The following PYGM variants were observed in gnomAD, a reference collection of about 807,000 sequenced individuals.
PYGM encodes glycogen phosphorylase, muscle form.
Under a neutral mutation model 99.3 loss-of-function variants are expected in PYGM, and 81 were observed. That is an observed-to-expected ratio of 0.82 (90% CI 0.68 to 0.98). The LOEUF (loss-of-function observed/expected upper bound fraction) is 0.98, where lower values mean the gene tolerates loss of function less well. PYGM is among the 50% of genes least tolerant of loss of function. The pLI, the probability that PYGM is intolerant of heterozygous loss-of-function variation, is 0.00. For synonymous variants in PYGM, 436 were observed against 451.5 expected (o/e 0.97, Z 0.44); for missense variants, 1,030 against 1,158.1 (o/e 0.89, Z 1.61).
chr11:64,750,569 C>A lies in PYGM; in HGVS notation c.1984G>T (p.Asp662Tyr). Residue 662 changes from aspartate (D) to tyrosine (Y), a missense_variant, in exon 17 of 20, where the codon GAC becomes TAC. Coordinates refer to ENST00000164139, the MANE Select transcript of PYGM (RefSeq NM_005609.4). ...SLAEKVIPAA[D>Y]LSEQISTAGT... ...GCAGTGGAGATCTGCTCAGAGAGGTCTGCAGCTGGGATCACTGTGGGGTGG... is the reference window on the plus strand; with the variant it reads ...GCAGTGGAGATCTGCTCAGAGAGGTATGCAGCTGGGATCACTGTGGGGTGG... 2 of 1,614,024 alleles carry A rather than the reference C, an allele frequency of 1.2e-6. No individual in the cohort carries two copies. Among genetic ancestry groups the A allele is most frequent in the Non-Finnish European group, 1.7e-6 (2 of 1,180,000 alleles).
At position 64,747,307 on chromosome 11, in the gene PYGM, A is replaced by G. The variant is rs1592405688; in HGVS notation, c.2229T>C (p.Ile743=). The G allele has an allele frequency of 6.2e-7, 1 of 1,614,188 alleles. No homozygotes were observed. Among genetic ancestry groups the G allele is most frequent in the Middle Eastern group, 1.6e-4 (1 of 6,062 alleles). ...AGAAGAAGCCACTGCTCAGCTGCTC[A>G]ATGACCTGCCGAAGCTCAGGAATGC... ...YDRIPELRQV[I]EQLSSGFFSP... Residue 743 remains isoleucine, a synonymous_variant, in exon 18 of 20, where the codon ATT becomes ATC. Transcript: ENST00000164139.
chr11:64,751,515 C>T (rs777906875), intron 15 of PYGM, 49 bp from the exon 16 acceptor site: 37 of 1,614,180 alleles, frequency 2.3e-5, no homozygotes, highest in Non-Finnish European at 3.0e-5. Context: ...CCCCCCACCC[C>T]CTATCCTGCA....
Position 64,756,425 on chromosome 11 carries a change from G to A in PYGM, c.661-867C>T, listed in dbSNP as rs2058394652. ...GGCTGATGACCTGAAGCTTCAGCAG[G>A]AAGATTGCCTGAACTGGGATTTGTT... On this transcript the variant is annotated intron_variant, in intron 5 of 19. Coordinates refer to ENST00000164139, the MANE Select transcript of PYGM (RefSeq NM_005609.4). Among the ~76,000 whole-genome samples, 3 of 152,218 alleles carry A rather than the reference G, an allele frequency of 2.0e-5. No homozygotes were observed. In the South Asian group the frequency reaches 6.2e-4, roughly 32 times the overall value.
At chr11:64,750,184 A>G (rs145520098) in intron 17 of PYGM, among the ~76,000 whole-genome samples, 192 bp downstream of exon 17, 1 of 151,730 alleles carries the variant, frequency 6.6e-6, no homozygotes, top group Non-Finnish European at 1.5e-5. Context: ...GTTCTATATT[A>G]CTTCTTTCTT....
At chr11:64,749,793 A>ATTT (rs71049658) in intron 17 of PYGM, among the ~76,000 whole-genome samples, 7 of 136,338 alleles carry the variant, frequency 5.1e-5, no homozygotes, top group Non-Finnish European at 6.2e-5. Flanking sequence ...GGGAGCAAGG[A>ATTT]TTTTTTTTTT....
rs1016613332 is a variant in PYGM at position 64,758,520 on chromosome 11, A to C, written c.346-5T>G. 2 of 1,613,888 alleles carry C rather than the reference A, an allele frequency of 1.2e-6. No individual in the cohort carries two copies. The highest frequency in any genetic ancestry group is 2.7e-5 in the African/African-American group (2 of 74,872). ...CTCCTCCATGTCCAGGCCCAGCTGG[A>C]GGAGTGAGGGTGACAGTGGTCAGGG... On this transcript the variant is annotated splice_polypyrimidine_tract_variant and splice_region_variant and intron_variant, in intron 2 of 19. Transcript: ENST00000164139.
chr11:64,757,907 C>T lies in PYGM; in HGVS notation c.532G>A (p.Glu178Lys). ...NQKISGGWQM[E>K]EADDWLRYGN... ...TAGCGAAGCCAGTCATCGGCCTCCT[C>T]CATCTGCACCCAAGGCAGGTCAGGG... is the stretch of plus-strand genomic sequence containing the variant. Residue 178 changes from glutamate (E) to lysine (K), a missense_variant, in exon 5 of 20, where the codon GAG (glutamate) becomes AAG (lysine). Transcript: ENST00000164139. 6.2e-7 allele frequency: 1 copy of T among 1,613,968 alleles called. No individual in the cohort carries two copies. Among genetic ancestry groups the T allele is most frequent in the Non-Finnish European group, 8.5e-7 (1 of 1,180,014 alleles).
chr11:64,758,365 G>A lies in PYGM; in HGVS notation c.425-16C>T, dbSNP rs2058408321. 1 of 1,613,058 alleles carries A rather than the reference G, an allele frequency of 6.2e-7. No homozygotes were observed. Among genetic ancestry groups the A allele is most frequent in the African/African-American group, 1.3e-5 (1 of 74,870 alleles). On this transcript the variant is annotated splice_polypyrimidine_tract_variant and intron_variant, in intron 3 of 19. Coordinates refer to ENST00000164139, the MANE Select transcript of PYGM (RefSeq NM_005609.4). Reference sequence around the variant, plus strand: ...AGAAAGCAGGCTGGGGGTGTGCAGGGAGGTGGCTGTCAGGGACCCAGCAAG... The same window carrying A: ...AGAAAGCAGGCTGGGGGTGTGCAGGAAGGTGGCTGTCAGGGACCCAGCAAG...
At position 64,752,459 on chromosome 11, in the gene PYGM, G is replaced by C; in HGVS notation, c.1564C>G (p.Leu522Val). The change falls in exon 13 of 20, where the codon CTG becomes GTG. Residue 522 changes from leucine to valine, a missense_variant. Physicochemically the swap from Leu to Val is conservative, Grantham distance 32. Transcript: ENST00000164139. ...FISDLDQLRK[L>V]LSFVDDEAFI... ...GCTTCATCATCCACAAAGGAGAGCAGTTTGCGCAGCTGGTCCAGGTCAGAG... is the reference window on the plus strand; with the variant it reads ...GCTTCATCATCCACAAAGGAGAGCACTTTGCGCAGCTGGTCCAGGTCAGAG... 1.9e-6 allele frequency: 3 copies of C among 1,614,248 alleles called. No individual in the cohort carries two copies. Among genetic ancestry groups the C allele is most frequent in the African/African-American group, 2.7e-5 (2 of 75,080 alleles).
At chr11:64,753,259 C>G in intron 11 of PYGM, 72 bp from the exon 12 acceptor site, 1 of 1,423,844 alleles carries the variant, frequency 7.0e-7, no homozygotes, top group Non-Finnish European at 9.9e-7. Flanking sequence ...GGGGCCCCTA[C>G]CCTGGTGTCT....
intron 16 of PYGM, 189 bp downstream of exon 16, chr11:64,751,136 C>A: frequency 1.3e-6 from 1 of 789,938 alleles, no homozygotes; most frequent in Non-Finnish European, 2.0e-6. Flanking sequence ...AGGTGATCCA[C>A]CCACCTTGGC....
Position 64,753,981 on chromosome 11 carries a change from C to A in PYGM, c.1137G>T (p.Thr379=), listed in dbSNP as rs756447366. The part of the protein sequence containing the change: ...TVRTCAYTNH[T]VLPEALERWP... ...AGCGCTCCAGGGCCTCGGGCAGCAC[C>A]GTGTGGTTGGTGTAGGCACAGGTCC... is the stretch of plus-strand genomic sequence containing the variant. Residue 379 remains threonine, a synonymous_variant, in exon 10 of 20, where the codon ACG becomes ACT. Transcript: ENST00000164139. 10 of 1,606,582 alleles carry A rather than the reference C, an allele frequency of 6.2e-6. No homozygotes were observed. The highest frequency in any genetic ancestry group is 2.2e-5 in the East Asian group (1 of 44,584).
rs757292296 is a variant in PYGM, at chr11:64,746,925, T to C, written c.2375A>G (p.Tyr792Cys). The C allele has an allele frequency of 8.7e-6, 14 of 1,614,096 alleles. No homozygotes were observed. The East Asian group carries it at 2.9e-4, about 33-fold the overall frequency. The change falls in exon 19 of 20, where the codon TAC (tyrosine) becomes TGC (cysteine). Residue 792 changes from tyrosine to cysteine, a missense_variant. By Grantham distance (194) the Tyr-to-Cys change is radical. Coordinates refer to ENST00000164139, the MANE Select transcript of PYGM (RefSeq NM_005609.4). ...CCCTGGCCCAGGACCCCTCACCTTG[T>C]ACAAGGCGCTGACTTTCTCCTGGCA... ...IKCQEKVSAL[Y>C]KNPREWTRMV...
At chr11:64,759,627 T>C (rs1270625895) in intron 1 of PYGM, 29 bp downstream of exon 1, 3 of 1,611,728 alleles carry the variant, frequency 1.9e-6, no homozygotes, top group Admixed American at 3.3e-5. Flanking sequence ...CTTCAGCCCA[T>C]ACCCCCACCC....
intron 17 of PYGM, chr11:64,747,864 A>G: frequency 5.2e-6 from 1 of 192,954 alleles, no homozygotes; most frequent in South Asian, 9.6e-5. Flanking sequence ...CAACATGGTG[A>G]AACCCAGTCT....
chr11:64,746,949 C>A lies in PYGM; in HGVS notation c.2351G>T (p.Cys784Phe). 3.1e-6 allele frequency: 5 copies of A among 1,614,156 alleles called. No individual in the cohort carries two copies. The highest frequency in any genetic ancestry group is 4.2e-6 in the Non-Finnish European group (5 of 1,180,020). The change falls in exon 19 of 20, where the codon TGC becomes TTC. Residue 784 changes from cysteine to phenylalanine, a missense_variant. Physicochemically the swap from Cys to Phe is radical, Grantham distance 205 (BLOSUM62 -2). Transcript: ENST00000164139. ...GTACAAGGCGCTGACTTTCTCCTGG[C>A]ATTTAATGTAGTCTTCATAATCTGC... ...VFADYEDYIKCQEKVSALYKN... is the reference protein window; with the variant it reads ...VFADYEDYIKFQEKVSALYKN...
chr11:64,757,486 C>G, intron 5 of PYGM, among the ~76,000 whole-genome samples: 1 of 152,138 alleles, frequency 6.6e-6, no homozygotes, highest in Admixed American at 6.5e-5. Flanking sequence ...CTCAAGTCGC[C>G]AAGATGGTCC....
upstream of PYGM, chr11:64,760,276 G>A: frequency 7.8e-6 from 2 of 254,928 alleles, no homozygotes; most frequent in South Asian, 1.1e-4. Flanking sequence ...GGAGCTGTCT[G>A]TCAGTGGCTG....
chr11:64,758,170 T>C, intron 4 of PYGM, 76 bp downstream of exon 4: 2 of 1,518,970 alleles, frequency 1.3e-6, no homozygotes, highest in Middle Eastern at 2.0e-4. Context: ...GTTTCGGACC[T>C]TGCCAGAGAT....
Sources: allele counts gnomAD v4.1 joint callset (sites outside exome capture counted in the v4.1 genomes callset), GRCh38; gene constraint gnomAD v4.1.1; transcripts MANE v1.5; gene names NCBI Gene and HGNC (gene_info 2026-07-23, HGNC 2026-07-21).